Variants in TMEM132B observed in about 807,000 individuals in gnomAD.
The protein encoded by TMEM132B is transmembrane protein 132B.
In TMEM132B, 18 loss-of-function variants were observed where a neutral mutation model predicts 90.8. The observed-to-expected ratio is 0.20, with a 90% confidence interval of 0.14 to 0.29. TMEM132B has a LOEUF of 0.29. Ranked by LOEUF, TMEM132B falls within the 10% of genes least tolerant of loss-of-function variation. The pLI, the probability that TMEM132B is intolerant of heterozygous loss-of-function variation, is 1.00. For synonymous variants in TMEM132B, 504 were observed against 523.3 expected (o/e 0.96, Z 0.50); for missense variants, 1,096 against 1,326.8 (o/e 0.83, Z 2.70).
chr12:125,600,390 C>A (rs1885541514), intron 5 of TMEM132B, among the ~76,000 whole-genome samples: 1 of 152,192 alleles, frequency 6.6e-6, no homozygotes, highest in South Asian at 2.1e-4. Flanking sequence ...CCACCTGCCA[C>A]TGGCTGACAT....
chr12:125,605,534 G>A (rs1163974279), intron 5 of TMEM132B, among the ~76,000 whole-genome samples: 1 of 152,164 alleles, frequency 6.6e-6, no homozygotes, highest in Non-Finnish European at 1.5e-5. Flanking sequence ...AGTCATTGGT[G>A]AGGTTCTAGC....
chr12:125,482,172 A>G (rs1192364814), intron 3 of TMEM132B, among the ~76,000 whole-genome samples: 1 of 152,252 alleles, frequency 6.6e-6, no homozygotes, highest in East Asian at 1.9e-4. Flanking sequence ...CCTAGGCAAT[A>G]CCATTCAGGA....
At chr12:125,453,232 G>A (rs1488704798) in intron 3 of TMEM132B, among the ~76,000 whole-genome samples, 2 of 151,958 alleles carry the variant, frequency 1.3e-5, no homozygotes, top group Non-Finnish European at 2.9e-5. Context: ...TGACCTTTTT[G>A]TAGACTGCAA....
At chr12:125,303,758 G>C (rs1048896946) in intron 1 of TMEM132B, among the ~76,000 whole-genome samples, 8 of 152,110 alleles carry the variant, frequency 5.3e-5, no homozygotes, top group Non-Finnish European at 7.4e-5. Context: ...TTTTTTATGT[G>C]CTTATTTGCC....
At chr12:125,327,530 T>C (rs2007277) in intron 1 of TMEM132B, 104,158 of 152,258 alleles carry the variant, frequency 0.68, 36,591 homozygotes, top group African/African-American at 0.83. Context: ...ATTTCAGGCC[T>C]GATCAGGAAG....
At chr12:125,395,957 C>G (rs1447314434) in intron 2 of TMEM132B, among the ~76,000 whole-genome samples, 1 of 152,228 alleles carries the variant, frequency 6.6e-6, no homozygotes, top group Non-Finnish European at 1.5e-5. Context: ...GTGAGCCAAT[C>G]AACTGTGGCC....
intron 1 of TMEM132B, among the ~76,000 whole-genome samples, chr12:125,237,933 C>T (rs1024458618): frequency 2.0e-5 from 3 of 152,126 alleles, no homozygotes; most frequent in African/African-American, 7.2e-5. Flanking sequence ...TCCGCTGGTT[C>T]CTTAGAGGGG....
intron 3 of TMEM132B, among the ~76,000 whole-genome samples, chr12:125,474,151 C>T (rs1193158528): frequency 1.3e-5 from 2 of 148,472 alleles, no homozygotes; most frequent in Admixed American, 6.8e-5. Context: ...GCCTTCCTGC[C>T]TTCTTTTTCT....
chr12:125,266,413 C>T (rs1379959879), intron 1 of TMEM132B, among the ~76,000 whole-genome samples: 6 of 152,194 alleles, frequency 3.9e-5, no homozygotes, highest in African/African-American at 1.4e-4. Context: ...CCAGTGGGCA[C>T]TGGGTATTAC....
chr12:125,590,537 G>T (rs528477205), intron 5 of TMEM132B, among the ~76,000 whole-genome samples: 100 of 152,274 alleles, frequency 6.6e-4, no homozygotes, highest in African/African-American at 2.2e-3. Context: ...TAGTCAAAGG[G>T]ATTTGGCATC....
chr12:125,230,765 A>G (rs928817443), intron 1 of TMEM132B, among the ~76,000 whole-genome samples: 3 of 151,886 alleles, frequency 2.0e-5, no homozygotes, highest in African/African-American at 7.3e-5. Flanking sequence ...CGGCCTCGCA[A>G]AGTGCTGGGA....
intron 1 of TMEM132B, among the ~76,000 whole-genome samples, chr12:125,191,069 T>C (rs1317306087): frequency 2.0e-4 from 5 of 25,364 alleles, no homozygotes; most frequent in African/African-American, 5.4e-4. Flanking sequence ...GAAGGGGTGG[T>C]GATGGTGATG....
chr12:125,330,051 G>A (rs1208293918), intron 1 of TMEM132B, among the ~76,000 whole-genome samples: 4 of 152,212 alleles, frequency 2.6e-5, no homozygotes, highest in Admixed American at 6.5e-5. Flanking sequence ...GTGGTCCGAC[G>A]ATCTGTGTCA....
At chr12:125,497,796 G>T (rs1882597838) in intron 3 of TMEM132B, among the ~76,000 whole-genome samples, 1 of 152,208 alleles carries the variant, frequency 6.6e-6, no homozygotes, top group East Asian at 1.9e-4. Context: ...TGAAGCTTTA[G>T]GTAATCATTT....
intron 3 of TMEM132B, among the ~76,000 whole-genome samples, chr12:125,436,143 G>A (rs1236374558): frequency 6.6e-6 from 1 of 152,184 alleles, no homozygotes; most frequent in Non-Finnish European, 1.5e-5. Flanking sequence ...GAAAGGGTTT[G>A]GGCTCCGGAG....
At chr12:125,205,195 G>A (rs1873152516) in intron 1 of TMEM132B, among the ~76,000 whole-genome samples, 1 of 149,010 alleles carries the variant, frequency 6.7e-6, no homozygotes, top group African/African-American at 2.5e-5. Context: ...TTAGCCCTTT[G>A]TGTGGAGTAT....
chr12:125,604,013 T>G (rs1885628962), intron 5 of TMEM132B, among the ~76,000 whole-genome samples: 1 of 152,196 alleles, frequency 6.6e-6, no homozygotes, highest in Non-Finnish European at 1.5e-5. Flanking sequence ...GTAAATTAGT[T>G]CAATCATTGT....
chr12:125,228,089 T>G (rs1317482334), intron 1 of TMEM132B, among the ~76,000 whole-genome samples: 1 of 152,214 alleles, frequency 6.6e-6, no homozygotes, highest in South Asian at 2.1e-4. Context: ...TCAGATCTGC[T>G]TCTGGGGGAT....
chr12:125,525,533 A>G (rs1218016122), intron 4 of TMEM132B, among the ~76,000 whole-genome samples: 1 of 152,220 alleles, frequency 6.6e-6, no homozygotes, highest in Non-Finnish European at 1.5e-5. Context: ...AAGAGACCAG[A>G]TCTTCAGCAG....
Sources: allele counts gnomAD v4.1 joint callset (sites outside exome capture counted in the v4.1 genomes callset), GRCh38; gene constraint gnomAD v4.1.1; transcripts MANE v1.5; gene names NCBI Gene and HGNC (gene_info 2026-07-23, HGNC 2026-07-21).